Variants in ZNF30 observed in about 807,000 individuals in gnomAD.
The protein encoded by ZNF30 is zinc finger protein 30.
Under a neutral mutation model 13.2 loss-of-function variants are expected in ZNF30, and 15 were observed. The observed-to-expected ratio is 1.13, with a 90% CI of 0.76 to 1.75. The LOEUF (loss-of-function observed/expected upper bound fraction) is 1.75. Ranked by LOEUF, ZNF30 falls within the 40% of genes most tolerant of loss-of-function variation. The pLI is 0.00. For missense variants in ZNF30, 726 were observed against 757.0 expected, an observed-to-expected ratio of 0.96 and a Z score of 0.48; for synonymous variants, 223 against 256.6, an observed-to-expected ratio of 0.87 and a Z score of 1.25.
At position 34,943,660 on chromosome 19, in the gene ZNF30, T is replaced by G; in HGVS notation, c.694T>G (p.Tyr232Asp). 6.2e-7 allele frequency: 1 copy of G among 1,613,696 alleles called. No individual in the cohort carries two copies. The change falls in exon 5 of 5, where the codon TAT becomes GAT. Residue 232 changes from tyrosine (Y) to aspartate (D), a missense_variant. Physicochemically the swap from Tyr to Asp is radical, Grantham distance 160 (BLOSUM62 -3). Coordinates refer to ENST00000601142, the MANE Select transcript of ZNF30 (RefSeq NM_194325.3). ...GAGTATTCATACTGGGAAGAAACCA[T>G]ATGAGTGCGGGGAATGTGGGAAAGC... ...HKSIHTGKKP[Y>D]ECGECGKAFL...
intron 1 of ZNF30, 63 bp from the exon 2 acceptor site, chr19:34,929,821 G>A (rs2012341734): frequency 1.2e-6 from 1 of 835,466 alleles, no homozygotes; most frequent in East Asian, 2.7e-5. Flanking sequence ...GGGACAGGAA[G>A]GTTTATTAAT....
intron 4 of ZNF30, among the ~76,000 whole-genome samples, chr19:34,941,377 G>A (rs2151674099): frequency 6.6e-6 from 1 of 152,280 alleles, no homozygotes; most frequent in South Asian, 2.1e-4. Context: ...TGATTCTCCT[G>A]CCTCAGCCTC....
rs1600237016 is a variant in ZNF30, at chr19:34,944,883, T to A, written c.*45T>A. On this transcript the variant is annotated 3_prime_UTR_variant, in exon 5 of 5. Transcript: ENST00000601142. ...AGTGCTTCGTGTGTGGCTCAAACAT[T>A]GTTGAACATCGGGGAATTTATGCTG... The A allele has an allele frequency of 1.3e-6, 2 of 1,495,666 alleles. No individual in the cohort carries two copies. Among genetic ancestry groups the A allele is most frequent in the East Asian group, 4.6e-5 (2 of 43,760 alleles). 92.6% of individuals were successfully genotyped at this position (1,495,666 alleles called of 1,614,324 possible).
intron 4 of ZNF30, among the ~76,000 whole-genome samples, chr19:34,935,229 T>TA (rs66464153): frequency 1.1e-4 from 16 of 148,180 alleles, no homozygotes; most frequent in Non-Finnish European, 1.3e-4. Context: ...AGACTCCGTC[T>TA]AAAAAAAAAA....
rs2013131104 is a variant in ZNF30, at chr19:34,943,207, T to A, written c.257-16T>A. ...TTCAAATAGAAAAATAAGATATTTT[T>A]AAAATTTTCTTTCAGATTTGCAGTT... is the stretch of plus-strand genomic sequence containing the variant. On this transcript the variant is annotated splice_polypyrimidine_tract_variant and intron_variant, in intron 4 of 4. Coordinates refer to ENST00000601142, the MANE Select transcript of ZNF30 (RefSeq NM_194325.3). 1.4e-6 allele frequency: 2 copies of A among 1,440,352 alleles called. No homozygotes were observed. Among genetic ancestry groups the A allele is most frequent in the South Asian group, 3.2e-5 (2 of 62,070 alleles). 89.2% of individuals were successfully genotyped at this position (1,440,352 alleles called of 1,614,324 possible).
chr19:34,943,478 T>G lies in ZNF30; in HGVS notation c.512T>G (p.Val171Gly), dbSNP rs775620157. Residue 171 changes from valine (V) to glycine (G), a missense_variant, in exon 5 of 5, where the codon GTT becomes GGT. Transcript: ENST00000601142. ...HQLTIHQRLH[V>G]GEKPYKYEKC... ...CTCACCATACATCAGAGATTGCATG[T>G]TGGTGAGAAACCCTATAAATATGAA... 6.2e-6 allele frequency: 10 copies of G among 1,613,842 alleles called. No individual in the cohort carries two copies. Among genetic ancestry groups the G allele is most frequent in the Middle Eastern group, 1.6e-4 (1 of 6,084 alleles).
At chr19:34,937,530 G>A (rs1039004738) in intron 4 of ZNF30, among the ~76,000 whole-genome samples, 5 of 151,856 alleles carry the variant, frequency 3.3e-5, no homozygotes, top group African/African-American at 1.2e-4. Context: ...CCAGGAGTTC[G>A]AGACCAGCCT....
intron 4 of ZNF30, among the ~76,000 whole-genome samples, chr19:34,938,615 T>A (rs73593658): frequency 0.02 from 3,013 of 152,264 alleles, 91 homozygotes; most frequent in African/African-American, 0.069. Context: ...TCCTAAATAC[T>A]CCAGAAGGTA....
At chr19:34,932,237 C>T (rs1037526346) in intron 3 of ZNF30, among the ~76,000 whole-genome samples, 24 of 152,316 alleles carry the variant, frequency 1.6e-4, no homozygotes, top group Admixed American at 1.6e-3. Flanking sequence ...TCTAAATGCT[C>T]TGTGAAAATC....
At chr19:34,942,221 C>A (rs981804654) in intron 4 of ZNF30, among the ~76,000 whole-genome samples, 1 of 151,850 alleles carries the variant, frequency 6.6e-6, no homozygotes. Flanking sequence ...AGTGGGAGGA[C>A]GACTTGAGCC....
Position 34,929,945 on chromosome 19 carries a change from A to T in ZNF30, c.-3A>T. The T allele has an allele frequency of 1.9e-6, 3 of 1,607,474 alleles. No individual in the cohort carries two copies. The highest frequency in any genetic ancestry group is 2.5e-6 in the Non-Finnish European group (3 of 1,176,568). ...ACTGATCAGTTCTTACAATTCTCAA[A>T]GCATGGCCCATGTAAGTTGGTGTTT... On this transcript the variant is annotated 5_prime_UTR_variant, in exon 2 of 5. The change creates a new upstream start codon in the 5' untranslated region. Coordinates refer to ENST00000601142, the MANE Select transcript of ZNF30 (RefSeq NM_194325.3).
Position 34,945,065 on chromosome 19 carries a change from T to C in ZNF30, c.*227T>C. ...ACCATTCAGAAAAAGTGGGAAACGT[T>C]ATTACTTAATGGTTACAGCACTGAC... is the stretch of plus-strand genomic sequence containing the variant. On this transcript the variant is annotated 3_prime_UTR_variant, in exon 5 of 5. Transcript: ENST00000601142. The C allele has an allele frequency of 2.2e-6, 1 of 461,440 alleles. No homozygotes were observed. The highest frequency in any genetic ancestry group is 3.8e-6 in the Non-Finnish European group (1 of 266,578). The allele number at this position is 461,440 out of a possible 1,614,324, so 28.6% of individuals were successfully genotyped here. A position where few individuals can be genotyped will look rare whatever the true frequency, so the allele number is the denominator to read the frequency against.
chr19:34,932,475 G>C (rs1426955830), intron 3 of ZNF30, among the ~76,000 whole-genome samples: 1 of 152,138 alleles, frequency 6.6e-6, no homozygotes, highest in African/African-American at 2.4e-5. Context: ...AGATATAGAT[G>C]TCTAAGCAGA....
In ZNF30 at chr19:34,944,761, A is replaced by C; in HGVS notation, c.1795A>C (p.Lys599Gln). 6.2e-7 allele frequency: 1 copy of C among 1,613,658 alleles called. No individual in the cohort carries two copies. Among genetic ancestry groups the C allele is most frequent in the Non-Finnish European group, 8.5e-7 (1 of 1,179,696 alleles). ...CACTGGTGAGAAACCCTTTAAATGC[A>C]AAAAATGTGGGAAGACCTTTAGATA... is the stretch of plus-strand genomic sequence containing the variant. ...VHTGEKPFKC[K>Q]KCGKTFRYSS... Residue 599 changes from lysine (K) to glutamine (Q), a missense_variant, in exon 5 of 5, where the codon AAA (lysine) becomes CAA (glutamine). Coordinates refer to ENST00000601142, the MANE Select transcript of ZNF30 (RefSeq NM_194325.3).
chr19:34,941,398 G>A (rs35376615), intron 4 of ZNF30, among the ~76,000 whole-genome samples: 15,845 of 152,210 alleles, frequency 0.1, 885 homozygotes, highest in Middle Eastern at 0.17. Context: ...CCAAGTAGCT[G>A]GGATTACAAG....
chr19:34,925,618 C>A (rs908938369), upstream of ZNF30, among the ~76,000 whole-genome samples: 1 of 152,080 alleles, frequency 6.6e-6, no homozygotes, highest in Admixed American at 6.5e-5. Context: ...GGGGGCGTGG[C>A]AGGCCAGGGT....
intron 4 of ZNF30, among the ~76,000 whole-genome samples, chr19:34,941,325 C>T (rs944052852): frequency 8.5e-5 from 13 of 152,264 alleles, no homozygotes; most frequent in African/African-American, 2.6e-4. Context: ...AGTGCAATGG[C>T]GCGATCTTGG....
rs2012108529 is a variant in ZNF30, at chr19:34,927,035, C to G, written c.-246C>G. 1 of 398,508 alleles carries G rather than the reference C, an allele frequency of 2.5e-6. No homozygotes were observed. Among genetic ancestry groups the G allele is most frequent in the Non-Finnish European group, 4.4e-6 (1 of 226,040 alleles). 24.7% of individuals were successfully genotyped at this position (398,508 alleles called of 1,614,324 possible). A position where few individuals can be genotyped will look rare whatever the true frequency, so the allele number is the denominator to read the frequency against. ...CCACTGGAACGACCTCAATCTCTGC[C>G]TCCTCGCCAGTTCATTGTGGTCGTT... On this transcript the variant is annotated 5_prime_UTR_variant, in exon 1 of 5. Coordinates refer to ENST00000601142, the MANE Select transcript of ZNF30 (RefSeq NM_194325.3).
At position 34,931,862 on chromosome 19, in the gene ZNF30, A is replaced by T. The variant is rs2151665405; in HGVS notation, c.29A>T (p.Tyr10Phe). The change falls in exon 3 of 5, where the codon TAT becomes TTT. Residue 10 changes from tyrosine (Y) to phenylalanine (F), a missense_variant. Physicochemically the swap from Tyr to Phe is conservative, Grantham distance 22. Coordinates refer to ENST00000601142, the MANE Select transcript of ZNF30 (RefSeq NM_194325.3). Reference sequence around the variant, plus strand: ...TACCAGAAATATGTGGGTTTGCAGTATCACGGATCAGTGACATTTGAGGAT... The same window carrying T: ...TACCAGAAATATGTGGGTTTGCAGTTTCACGGATCAGTGACATTTGAGGAT... MAHKYVGLQ[Y>F]HGSVTFEDVA... 6.2e-7 allele frequency: 1 copy of T among 1,611,762 alleles called. No individual in the cohort carries two copies. Among genetic ancestry groups the T allele is most frequent in the East Asian group, 2.2e-5 (1 of 44,828 alleles).
Sources: allele counts gnomAD v4.1 joint callset (sites outside exome capture counted in the v4.1 genomes callset), GRCh38; gene constraint gnomAD v4.1.1; transcripts MANE v1.5; gene names NCBI Gene and HGNC (gene_info 2026-07-23, HGNC 2026-07-21).